MCC: variants seen among roughly 807,000 people sequenced by gnomAD.
MCC encodes colorectal mutant cancer protein.
Under a neutral mutation model 116.2 loss-of-function variants are expected in MCC, and 90 were observed. That is an observed-to-expected ratio of 0.77 (90% CI 0.65 to 0.92). MCC has a LOEUF of 0.92. Ranked by LOEUF, MCC falls within the 40% of genes least tolerant of loss-of-function variation. The probability of loss-of-function intolerance (pLI) is 0.00; values close to 1 mark genes in which losing one functional copy is unlikely to be tolerated. For missense variants in MCC, 1,516 were observed against 1,312.2 expected (o/e 1.16, Z -2.40); for synonymous variants, 578 against 510.5 (o/e 1.13, Z -1.78).
intron 2 of MCC, among the ~76,000 whole-genome samples, chr5:113,353,471 T>C (rs375774687): frequency 9.8e-5 from 15 of 152,340 alleles, no homozygotes; most frequent in African/African-American, 3.4e-4. Flanking sequence ...TTTAAACCTC[T>C]CTCTTTATGG....
intron 15 of MCC, among the ~76,000 whole-genome samples, chr5:113,052,314 G>T (rs948418703): frequency 6.6e-6 from 1 of 152,222 alleles, no homozygotes; most frequent in African/African-American, 2.4e-5. Flanking sequence ...AGGGCTCCCA[G>T]TTGGGGGAAA....
chr5:113,334,590 A>ATTTT lies in MCC; in HGVS notation c.627+5925_627+5928dup, dbSNP rs58288026. Among the ~76,000 whole-genome samples the ATTTT allele has an allele frequency of 5.3e-3, 639 of 120,838 alleles. 36 individuals carry two copies. The highest frequency in any genetic ancestry group is 0.013 in the African/African-American group (383 of 29,544). The allele number at this position is 120,838 out of a possible 152,430, so 79.3% of individuals were successfully genotyped here. On this transcript the variant is annotated intron_variant, in intron 3 of 18. Transcript: ENST00000408903. ...TGACAATTCAAGGTTCTGATTTCTG[A>ATTTT]TTTTTTTTTTTTTTTTTTGAGATGC...
intron 3 of MCC, among the ~76,000 whole-genome samples, chr5:113,291,737 C>T (rs1281442910): frequency 6.6e-6 from 1 of 151,936 alleles, no homozygotes; most frequent in Non-Finnish European, 1.5e-5. Context: ...CTTTGCCCTA[C>T]AAGATATTAA....
At chr5:113,125,695 A>C (rs1424231644) in intron 5 of MCC, among the ~76,000 whole-genome samples, 2 of 152,166 alleles carry the variant, frequency 1.3e-5, no homozygotes, top group East Asian at 3.8e-4. Context: ...GTAAGTAAAA[A>C]ACACCAAGAG....
intron 1 of MCC, among the ~76,000 whole-genome samples, chr5:113,421,204 T>G (rs1770324589): frequency 6.6e-6 from 1 of 152,002 alleles, no homozygotes; most frequent in Non-Finnish European, 1.5e-5. Flanking sequence ...TTTGTATTTT[T>G]TAGTAGAAAC....
intron 3 of MCC, among the ~76,000 whole-genome samples, chr5:113,240,187 G>A (rs1764312572): frequency 6.6e-6 from 1 of 152,130 alleles, no homozygotes; most frequent in Admixed American, 6.5e-5. Context: ...GGACAGTCAG[G>A]ATACCCTTCT....
At chr5:113,156,353 T>C (rs192096214) in intron 3 of MCC, among the ~76,000 whole-genome samples, 173 of 152,282 alleles carry the variant, frequency 1.1e-3, no homozygotes, top group African/African-American at 4.0e-3. Context: ...TCAAGACAAA[T>C]GATGGCATCC....
intron 4 of MCC, among the ~76,000 whole-genome samples, chr5:113,145,680 C>G (rs1177540241): frequency 6.6e-6 from 1 of 152,042 alleles, no homozygotes; most frequent in Admixed American, 6.6e-5. Flanking sequence ...ACCAGCAGCC[C>G]TCGCTGCTGC....
chr5:113,085,144 G>C lies in MCC; in HGVS notation c.1545+20C>G. 1 of 1,613,976 alleles carries C rather than the reference G, an allele frequency of 6.2e-7. No homozygotes were observed. Among genetic ancestry groups the C allele is most frequent in the Non-Finnish European group, 8.5e-7 (1 of 1,180,000 alleles). On this transcript the variant is annotated intron_variant, in intron 9 of 18. Coordinates refer to ENST00000408903, the MANE Select transcript of MCC (RefSeq NM_001085377.2). ...AACAGGAGGTGTTCCCGCTCATCGG[G>C]TCCATCCCCAGGAACTCACCTTGGC...
chr5:113,407,272 C>T (rs753831636), intron 1 of MCC, among the ~76,000 whole-genome samples: 15 of 151,966 alleles, frequency 9.9e-5, no homozygotes, highest in Non-Finnish European at 2.1e-4. Flanking sequence ...CTCAAAGGAC[C>T]GACAGGAAAT....
At chr5:113,397,207 A>T (rs530044788) in intron 1 of MCC, among the ~76,000 whole-genome samples, 2 of 152,228 alleles carry the variant, frequency 1.3e-5, no homozygotes, top group Non-Finnish European at 2.9e-5. Context: ...TATGACATGC[A>T]TCTGAAGGAA....
intron 3 of MCC, among the ~76,000 whole-genome samples, chr5:113,247,301 C>A (rs1349114943): frequency 6.6e-6 from 1 of 152,118 alleles, no homozygotes; most frequent in Non-Finnish European, 1.5e-5. Context: ...AAGGTAAAGA[C>A]CATGTTAAGA....
At chr5:113,188,493 T>C (rs1762006255) in intron 3 of MCC, among the ~76,000 whole-genome samples, 1 of 152,128 alleles carries the variant, frequency 6.6e-6, no homozygotes, top group South Asian at 2.1e-4. Flanking sequence ...AATAAGCAAA[T>C]TGGATCAAGA....
intron 2 of MCC, among the ~76,000 whole-genome samples, chr5:113,365,355 G>A (rs531413317): frequency 7.2e-5 from 11 of 152,238 alleles, no homozygotes; most frequent in East Asian, 5.8e-4. Context: ...CTGCTAAACC[G>A]TAGCACAAGT....
chr5:113,483,863 T>TA (rs963838245), intron 1 of MCC, among the ~76,000 whole-genome samples: 294 of 148,194 alleles, frequency 2.0e-3, no homozygotes, highest in African/African-American at 5.9e-3. Flanking sequence ...TACACAGTCA[T>TA]AAAAAAAAAA....
At chr5:113,389,927 T>A (rs1223560875) in intron 1 of MCC, among the ~76,000 whole-genome samples, 3 of 152,128 alleles carry the variant, frequency 2.0e-5, no homozygotes, top group Admixed American at 2.0e-4. Flanking sequence ...ATGGCCTCCA[T>A]AAAACACTAA....
At chr5:113,375,871 G>GA (rs774363094) in intron 2 of MCC, among the ~76,000 whole-genome samples, 2 of 152,064 alleles carry the variant, frequency 1.3e-5, no homozygotes, top group Non-Finnish European at 2.9e-5. Context: ...AAGGGGTGGG[G>GA]AAAAAATACT....
intron 14 of MCC, among the ~76,000 whole-genome samples, chr5:113,059,173 G>A (rs941105532): frequency 1.3e-5 from 2 of 151,828 alleles, no homozygotes; most frequent in African/African-American, 4.8e-5. Flanking sequence ...AAAGATCTCA[G>A]TCCACAGATC....
intron 3 of MCC, among the ~76,000 whole-genome samples, chr5:113,214,326 C>A (rs1383680324): frequency 6.6e-6 from 1 of 152,174 alleles, no homozygotes; most frequent in African/African-American, 2.4e-5. Flanking sequence ...AGTCCTCTGC[C>A]CAGAGATCCT....
Sources: gnomAD v4.1 joint callset for allele counts (sites outside exome capture counted in the v4.1 genomes callset) on GRCh38, gnomAD v4.1.1 for gene constraint, MANE v1.5 for transcripts, NCBI Gene and HGNC (gene_info 2026-07-23, HGNC 2026-07-21) for gene names.